DOCK11: variants seen among roughly 807,000 people sequenced by gnomAD.
The protein encoded by DOCK11 is dedicator of cytokinesis 11, also known as dedicator of cytokinesis protein 11.
DOCK11 carries 70 observed loss-of-function variants against 169.1 expected under a neutral mutation model. The observed-to-expected ratio is 0.41, with a 90% CI of 0.34 to 0.51. The LOEUF (loss-of-function observed/expected upper bound fraction) is 0.51. Among genes scored for constraint, DOCK11 ranks in the 20% least tolerant of loss-of-function variants. DOCK11 has a pLI of 0.10. For synonymous variants in DOCK11, 529 were observed against 541.3 expected (o/e 0.98, Z 0.32); for missense variants, 1,166 against 1,538.8 (o/e 0.76, Z 4.05).
chrX:118,505,847 CACTTACCTTTATGCCAGCCTG>C (rs1381758533), intron 1 of DOCK11, among the ~76,000 whole-genome samples: 3 of 112,453 alleles, frequency 2.7e-5, no homozygotes, highest in Non-Finnish European at 3.8e-5. Flanking sequence ...TTGGCAGAAG[CACTTACCTTTATGCCAGCCTG>C]TTCAGTGTGA....
At chrX:118,614,949 C>A (rs1316496473) in intron 29 of DOCK11, among the ~76,000 whole-genome samples, 174 bp downstream of exon 29, 3 of 111,927 alleles carry the variant, frequency 2.7e-5, no homozygotes, top group Non-Finnish European at 5.6e-5. Context: ...CCAGGACCCC[C>A]CATGTGTTCA....
chrX:118,505,981 G>A (rs776881235), intron 1 of DOCK11, among the ~76,000 whole-genome samples: 3 of 112,716 alleles, frequency 2.7e-5, no homozygotes, highest in Non-Finnish European at 5.6e-5. Flanking sequence ...TGCCAGGCAC[G>A]TTAGCCTATG....
intron 1 of DOCK11, among the ~76,000 whole-genome samples, chrX:118,512,018 A>G (rs779553629): frequency 3.7e-4 from 42 of 112,078 alleles, no homozygotes; most frequent in Non-Finnish European, 7.3e-4. Context: ...GGTTCAAGCA[A>G]TTCTCCTGCC....
In DOCK11 at chrX:118,566,173, A is replaced by G. The variant is rs368023557; in HGVS notation, c.862A>G (p.Thr288Ala). Residue 288 changes from threonine (T) to alanine (A), a missense_variant, in exon 8 of 53, where the codon ACA (threonine) becomes GCA (alanine). Thr to Ala is a moderately conservative substitution (Grantham distance 58). Coordinates refer to ENST00000276202, the MANE Select transcript of DOCK11 (RefSeq NM_144658.4). Reference protein sequence around the residue: ...LVQEKKETVETAQDDETSSQG... With the variant: ...LVQEKKETVEAAQDDETSSQG... Reference sequence around the variant, plus strand: ...TCAAGAAAAAAAGGAGACGGTAGAAACAGCACAAGGTCAGAATTTTAAAGT... The same window carrying G: ...TCAAGAAAAAAAGGAGACGGTAGAAGCAGCACAAGGTCAGAATTTTAAAGT... 136 of 1,196,713 alleles carry G rather than the reference A, an allele frequency of 1.1e-4. No individual in the cohort carries two copies. Among genetic ancestry groups the G allele is most frequent in the Non-Finnish European group, 1.3e-4 (119 of 888,400 alleles).
At position 118,572,325 on chromosome X, in the gene DOCK11, G is replaced by A. The variant is rs773369754; in HGVS notation, c.1038G>A (p.Arg346=). Residue 346 remains arginine, a splice_region_variant and synonymous_variant, in exon 11 of 53, where the codon AGG becomes AGA. Transcript: ENST00000276202. ...NLFSFDSEVQ[R]LDFSGIEPDI... is the part of the protein sequence containing the mutation. ...GATTCATACTATCTCTTTTATAGAG[G>A]TTGGACTTTTCAGGAATTGAACCTG... 3 of 1,186,800 alleles carry A rather than the reference G, an allele frequency of 2.5e-6. No individual in the cohort carries two copies. In the South Asian group the frequency reaches 5.7e-5, roughly 22 times the overall value.
At chrX:118,561,341 T>C in intron 6 of DOCK11, 42 bp from the exon 7 acceptor site, 1 of 1,113,368 alleles carries the variant, frequency 9.0e-7, no homozygotes, top group Non-Finnish European at 1.2e-6. Context: ...AAATGCAATG[T>C]ATATGTAACA....
At position 118,609,265 on chromosome X, in the gene DOCK11, C is replaced by A; in HGVS notation, c.2878-13C>A. 8.7e-7 allele frequency: 1 copy of A among 1,151,851 alleles called. No individual in the cohort carries two copies. Among genetic ancestry groups the A allele is most frequent in the Non-Finnish European group, 1.2e-6 (1 of 852,304 alleles). The allele number at this position is 1,151,851 out of a possible 1,213,427, so 94.9% of individuals were successfully genotyped here. A position where few individuals can be genotyped will look rare whatever the true frequency, so the allele number is the denominator to read the frequency against. Reference sequence around the variant, plus strand: ...TTGGTAACCGTTAAAGATTCTCTTTCTTTTTTTTTCAGTACTCATGGTTTT... The same window carrying A: ...TTGGTAACCGTTAAAGATTCTCTTTATTTTTTTTTCAGTACTCATGGTTTT... On this transcript the variant is annotated splice_polypyrimidine_tract_variant and intron_variant, in intron 26 of 52. Transcript: ENST00000276202.
At chrX:118,615,823 A>G in intron 30 of DOCK11, 112 bp downstream of exon 30, 1 of 562,177 alleles carries the variant, frequency 1.8e-6, no homozygotes, top group Non-Finnish European at 2.9e-6. Flanking sequence ...TAATTTCAGA[A>G]TTGTTACTAT....
intron 32 of DOCK11, 85 bp downstream of exon 32, chrX:118,624,740 A>G (rs1032862943): frequency 6.5e-5 from 31 of 479,218 alleles, no homozygotes; most frequent in African/African-American, 1.1e-4. Flanking sequence ...TATGATCTCA[A>G]CCTTAAGAGT....
At chrX:118,560,199 A>G (rs908951198) in intron 6 of DOCK11, among the ~76,000 whole-genome samples, 2 of 111,706 alleles carry the variant, frequency 1.8e-5, no homozygotes, top group African/African-American at 6.5e-5. Context: ...CTAAAAAGAA[A>G]TGTCCCTTAA....
At position 118,546,096 on chromosome X, in the gene DOCK11, A is replaced by G. The variant is rs1164563121; in HGVS notation, c.538A>G (p.Thr180Ala). Residue 180 changes from threonine (T) to alanine (A), a missense_variant, in exon 6 of 53, where the codon ACC becomes GCC. Physicochemically the swap from Thr to Ala is moderately conservative, Grantham distance 58. Transcript: ENST00000276202. ...GWLHKANVNS[T>A]ITVTMKVFKR... Reference sequence around the variant, plus strand: ...GTTGCATAAAGCAAATGTAAATAGTACCATCACAGTAACCATGAAGGTAGG... The same window carrying G: ...GTTGCATAAAGCAAATGTAAATAGTGCCATCACAGTAACCATGAAGGTAGG... The G allele has an allele frequency of 8.4e-7, 1 of 1,191,636 alleles. No homozygotes were observed. Among genetic ancestry groups the G allele is most frequent in the South Asian group, 1.8e-5 (1 of 55,464 alleles).
chrX:118,524,171 A>G (rs747184012), intron 1 of DOCK11, among the ~76,000 whole-genome samples: 1 of 111,523 alleles, frequency 9.0e-6, no homozygotes, highest in African/African-American at 3.3e-5. Context: ...CAAGTGCCCC[A>G]CCGCATTAGC....
At chrX:118,571,413 C>T (rs1326135272) in intron 10 of DOCK11, among the ~76,000 whole-genome samples, 2 of 108,939 alleles carry the variant, frequency 1.8e-5, no homozygotes, top group African/African-American at 6.7e-5. Context: ...TGCAGTGGCA[C>T]CATCATAGCT....
chrX:118,667,885 T>A (rs761572232), intron 45 of DOCK11, among the ~76,000 whole-genome samples: 5 of 111,939 alleles, frequency 4.5e-5, no homozygotes, highest in Non-Finnish European at 9.4e-5. Flanking sequence ...GTTTTGATGC[T>A]ATTGTAAATA....
chrX:118,579,007 C>T (rs1439357848), intron 13 of DOCK11, among the ~76,000 whole-genome samples: 2 of 111,901 alleles, frequency 1.8e-5, no homozygotes, highest in Non-Finnish European at 3.8e-5. Context: ...TCCCAAATGT[C>T]AGTTCATACC....
At position 118,568,142 on chromosome X, in the gene DOCK11, T is replaced by C; in HGVS notation, c.1015T>C (p.Ser339Pro). 8.6e-7 allele frequency: 1 copy of C among 1,159,482 alleles called. No homozygotes were observed. The highest frequency in any genetic ancestry group is 1.8e-5 in the African/African-American group (1 of 55,871). ...SRGDGRQNLF[S>P]FDSEVQRLDF... is the part of the protein sequence containing the mutation. Reference sequence around the variant, plus strand: ...AGGAGATGGAAGACAGAATCTCTTTTCTTTTGATTCAGAAGTTCAGGTATT... The same window carrying C: ...AGGAGATGGAAGACAGAATCTCTTTCCTTTTGATTCAGAAGTTCAGGTATT... Residue 339 changes from serine (S) to proline (P), a missense_variant, in exon 10 of 53, where the codon TCT (serine) becomes CCT (proline). By Grantham distance (74) the Ser-to-Pro change is moderately conservative. Coordinates refer to ENST00000276202, the MANE Select transcript of DOCK11 (RefSeq NM_144658.4).
At chrX:118,614,392 G>T (rs2014757342) in intron 28 of DOCK11, among the ~76,000 whole-genome samples, 1 of 111,180 alleles carries the variant, frequency 9.0e-6, no homozygotes, top group Non-Finnish European at 1.9e-5. Flanking sequence ...AGATATGTAT[G>T]TGTGTCTGTG....
intron 35 of DOCK11, 152 bp downstream of exon 35, chrX:118,630,642 T>C: frequency 9.1e-6 from 3 of 330,550 alleles, no homozygotes; most frequent in Non-Finnish European, 1.1e-5. Context: ...AAATGTTTCT[T>C]AAATTGAACT....
intron 12 of DOCK11, among the ~76,000 whole-genome samples, chrX:118,576,402 T>A (rs1348531006): frequency 1.8e-5 from 2 of 111,652 alleles, no homozygotes; most frequent in Non-Finnish European, 3.8e-5. Context: ...CTGGCCACCT[T>A]TTGCATTCTG....
Sources: allele counts gnomAD v4.1 joint callset (sites outside exome capture counted in the v4.1 genomes callset), GRCh38; gene constraint gnomAD v4.1.1; transcripts MANE v1.5; gene names NCBI Gene and HGNC (gene_info 2026-07-23, HGNC 2026-07-21).